Variants in HEATR4 observed in about 807,000 individuals in gnomAD.
The protein encoded by HEATR4 is HEAT repeat containing 4, also known as HEAT repeat-containing protein 4.
HEATR4 carries 95 observed loss-of-function variants against 108.8 expected under a neutral mutation model. That is an observed-to-expected ratio of 0.87 (90% CI 0.74 to 1.04). The LOEUF (loss-of-function observed/expected upper bound fraction) is 1.04, where lower values mean the gene tolerates loss of function less well. HEATR4 is among the 50% of genes least tolerant of loss of function. HEATR4 has a pLI of 0.00. For synonymous variants in HEATR4, 443 were observed against 459.4 expected (o/e 0.96, Z 0.46); for missense variants, 1,152 against 1,253.8 (o/e 0.92, Z 1.23).
chr14:73,481,362 C>T (rs374164649), intron 17 of HEATR4, among the ~76,000 whole-genome samples: 50 of 152,036 alleles, frequency 3.3e-4, no homozygotes, highest in African/African-American at 1.2e-3. Context: ...TCACTTGAAC[C>T]CGGGAGTGAG....
Position 73,542,701 on chromosome 14 carries a change from C to T in HEATR4, c.-151-12457G>A, listed in dbSNP as rs144260955. 1.8e-5 allele frequency among the ~76,000 whole-genome samples: 2 copies of T among 111,868 alleles called. 1 individual carries two copies. Among genetic ancestry groups the T allele is most frequent in the Non-Finnish European group, 3.8e-5 (2 of 52,300 alleles). 73.4% of individuals were successfully genotyped at this position (111,868 alleles called of 152,430 possible). Reference sequence around the variant, plus strand: ...GATTACAGGCGTCAGCCACCACGCCCGGCCATGAGATGACGTACTTGTTGA... The same window carrying T: ...GATTACAGGCGTCAGCCACCACGCCTGGCCATGAGATGACGTACTTGTTGA... On this transcript the variant is annotated intron_variant, in intron 1 of 17. Coordinates refer to ENST00000553558, the MANE Select transcript of HEATR4 (RefSeq NM_001220484.1).
At chr14:73,487,696 T>C (rs1237918340) in intron 17 of HEATR4, among the ~76,000 whole-genome samples, 2 of 152,172 alleles carry the variant, frequency 1.3e-5, no homozygotes, top group Non-Finnish European at 2.9e-5. Flanking sequence ...CCTTGAATTT[T>C]AGGAAGGAAT....
the HEATR4 span, among the ~76,000 whole-genome samples, chr14:73,613,666 G>T: frequency 3.3e-5 from 5 of 152,188 alleles, no homozygotes; most frequent in Admixed American, 2.0e-4. Flanking sequence ...TCTGAAGGGA[G>T]AGGTGCTATT....
chr14:73,509,564 C>T lies in HEATR4; in HGVS notation c.1559-91G>A. On this transcript the variant is annotated intron_variant, in intron 7 of 17. Coordinates refer to ENST00000553558, the MANE Select transcript of HEATR4 (RefSeq NM_001220484.1). ...CCTACAGCCATGTGGTGGCCAACCT[C>T]AGTCCCAGCTGCAGTTGCTTAGTGC... 3.1e-6 allele frequency: 4 copies of T among 1,306,544 alleles called. No homozygotes were observed. In the South Asian group the frequency reaches 5.0e-5, roughly 16 times the overall value. 80.9% of individuals were successfully genotyped at this position (1,306,544 alleles called of 1,614,324 possible). A position where few individuals can be genotyped will look rare whatever the true frequency, so the allele number is the denominator to read the frequency against.
At chr14:73,516,505 A>G (rs1887606991) in intron 5 of HEATR4, among the ~76,000 whole-genome samples, 1 of 147,498 alleles carries the variant, frequency 6.8e-6, no homozygotes, top group South Asian at 2.2e-4. Context: ...TAGATCTCTG[A>G]TATTTAACCT....
At chr14:73,573,902 T>C in the HEATR4 span, among the ~76,000 whole-genome samples, 1 of 152,042 alleles carries the variant, frequency 6.6e-6, no homozygotes, top group African/African-American at 2.4e-5. Context: ...AATTTTTGTA[T>C]TTTTAGTGGA....
At chr14:73,575,153 A>T in the HEATR4 span, 1 of 1,219,978 alleles carries the variant, frequency 8.2e-7, no homozygotes, top group South Asian at 1.4e-5. Context: ...CTTTGGAAGG[A>T]CCTGACCAGA....
the HEATR4 span, among the ~76,000 whole-genome samples, chr14:73,579,110 G>T: frequency 6.8e-6 from 1 of 146,224 alleles, no homozygotes; most frequent in Non-Finnish European, 1.5e-5. Context: ...AAAAAAAACA[G>T]CCAGGTATGG....
At chr14:73,507,521 C>T (rs1023440931) in intron 9 of HEATR4, among the ~76,000 whole-genome samples, 3 of 152,050 alleles carry the variant, frequency 2.0e-5, no homozygotes, top group Non-Finnish European at 4.4e-5. Flanking sequence ...GCAGCCCCAA[C>T]CTGCCAGGCT....
the HEATR4 span, among the ~76,000 whole-genome samples, chr14:73,603,604 C>T: frequency 6.6e-6 from 1 of 151,980 alleles, no homozygotes; most frequent in Non-Finnish European, 1.5e-5. Context: ...CCACCCACCT[C>T]AGCCTCCCAT....
the HEATR4 span, among the ~76,000 whole-genome samples, chr14:73,578,000 G>A: frequency 6.6e-6 from 1 of 151,664 alleles, no homozygotes. Context: ...ACAGGCACCC[G>A]CCACCATGCC....
intron 12 of HEATR4, among the ~76,000 whole-genome samples, chr14:73,499,594 C>T (rs543569051): frequency 6.6e-6 from 1 of 152,274 alleles, no homozygotes; most frequent in East Asian, 1.9e-4. Flanking sequence ...GACAAATGAG[C>T]TGGAGCCTAA....
the HEATR4 span, chr14:73,593,606 G>T: frequency 8.1e-7 from 1 of 1,228,526 alleles, no homozygotes. Flanking sequence ...GCCTCCTAAA[G>T]TGCTGAGATT....
intron 2 of HEATR4, among the ~76,000 whole-genome samples, chr14:73,529,629 G>T (rs1888584449): frequency 6.6e-6 from 1 of 152,108 alleles, no homozygotes; most frequent in Non-Finnish European, 1.5e-5. Flanking sequence ...GTATCTCAGA[G>T]ATTCCAAATT....
intron 13 of HEATR4, 24 bp downstream of exon 13, chr14:73,499,047 T>C (rs374354466): frequency 1.1e-5 from 17 of 1,602,334 alleles, no homozygotes; most frequent in Non-Finnish European, 1.5e-5. Flanking sequence ...GGTTGAAGAG[T>C]TTGGGGCACT....
Position 73,533,206 on chromosome 14 carries a change from C to T in HEATR4, c.-151-2962G>A, listed in dbSNP as rs1888761508. On this transcript the variant is annotated intron_variant, in intron 1 of 17. Transcript: ENST00000553558. ...ACTATGTGATCCAGCAATTCTACTT[C>T]TGGGTACATATCCAAAAGAATTGAA... 1.8e-5 allele frequency among the ~76,000 whole-genome samples: 2 copies of T among 113,696 alleles called. 1 individual carries two copies. The highest frequency in any genetic ancestry group is 5.7e-5 in the African/African-American group (2 of 34,878). 74.6% of individuals were successfully genotyped at this position (113,696 alleles called of 152,430 possible). A position where few individuals can be genotyped will look rare whatever the true frequency, so the allele number is the denominator to read the frequency against.
chr14:73,498,969 C>T, intron 13 of HEATR4, 102 bp downstream of exon 13: 2 of 959,096 alleles, frequency 2.1e-6, no homozygotes, highest in Non-Finnish European at 3.4e-6. Flanking sequence ...ATCATTACCT[C>T]TCCTGCACTT....
the HEATR4 span, among the ~76,000 whole-genome samples, chr14:73,578,858 G>A: frequency 6.6e-6 from 1 of 151,702 alleles, no homozygotes; most frequent in Non-Finnish European, 1.5e-5. Context: ...AGGTTATGGT[G>A]GGCAGTCACG....
At chr14:73,578,712 G>A in the HEATR4 span, among the ~76,000 whole-genome samples, 2 of 151,956 alleles carry the variant, frequency 1.3e-5, no homozygotes, top group Non-Finnish European at 2.9e-5. Flanking sequence ...CCAGCACTTT[G>A]GGAGGCCAAG....
Sources: gnomAD v4.1 joint callset for allele counts (sites outside exome capture counted in the v4.1 genomes callset) on GRCh38, gnomAD v4.1.1 for gene constraint, MANE v1.5 for transcripts, NCBI Gene and HGNC (gene_info 2026-07-23, HGNC 2026-07-21) for gene names.